ZNF365: variants seen among roughly 807,000 people sequenced by gnomAD.
ZNF365 encodes protein ZNF365.
In ZNF365, 22 loss-of-function variants were observed where a neutral mutation model predicts 35.0. The observed-to-expected ratio is 0.63, with a 90% CI of 0.45 to 0.90. The LOEUF is 0.90. Among genes scored for constraint, ZNF365 ranks in the 40% least tolerant of loss-of-function variants. ZNF365 has a pLI of 0.00. For synonymous variants in ZNF365, 188 were observed against 196.2 expected, an observed-to-expected ratio of 0.96 and a Z score of 0.35; for missense variants, 448 against 500.3, an observed-to-expected ratio of 0.90 and a Z score of 1.00.
At chr10:62,397,140 T>C (rs1030710017) in intron 3 of ZNF365, among the ~76,000 whole-genome samples, 5 of 152,362 alleles carry the variant, frequency 3.3e-5, no homozygotes, top group Middle Eastern at 3.4e-3. Context: ...TAACGGTGCC[T>C]TTTTCTGTTA....
At chr10:62,434,237 G>A (rs1303578073) in intron 3 of ZNF365, among the ~76,000 whole-genome samples, 1 of 152,084 alleles carries the variant, frequency 6.6e-6, no homozygotes, top group African/African-American at 2.4e-5. Flanking sequence ...ATATGCTTCG[G>A]GTCTAAGATT....
In ZNF365 at chr10:62,456,121, A is replaced by G. The variant is rs996239414; in HGVS notation, c.925-3620A>G. ...AGCCACATGTAGCTAGCTGTTGAGC[A>G]CTACAAATGCTGCTACTGTGAACAA... On this transcript the variant is annotated intron_variant, in intron 3 of 4. Transcript: ENST00000395255. 1.2e-4 allele frequency among the ~76,000 whole-genome samples: 19 copies of G among 152,290 alleles called. No individual in the cohort carries two copies. The South Asian group carries it at 3.9e-3, about 32-fold the overall frequency.
chr10:62,445,606 T>C (rs1226740350), intron 3 of ZNF365, among the ~76,000 whole-genome samples: 1 of 152,192 alleles, frequency 6.6e-6, no homozygotes, highest in Admixed American at 6.5e-5. Flanking sequence ...AGTGAGGTTT[T>C]ACAGTTTCTA....
chr10:62,469,041 G>A (rs1840989707), intron 4 of ZNF365, among the ~76,000 whole-genome samples: 1 of 152,186 alleles, frequency 6.6e-6, no homozygotes, highest in Non-Finnish European at 1.5e-5. Flanking sequence ...CTACCAAGAG[G>A]TGGAAGCGAC....
At chr10:62,384,939 A>G (rs1262552508) in intron 2 of ZNF365, among the ~76,000 whole-genome samples, 1 of 152,220 alleles carries the variant, frequency 6.6e-6, no homozygotes, top group Non-Finnish European at 1.5e-5. Context: ...TTGGGGAAAT[A>G]AGAGGTGGTT....
intron 4 of ZNF365, among the ~76,000 whole-genome samples, chr10:62,466,957 A>G (rs1840954180): frequency 6.6e-6 from 1 of 152,108 alleles, no homozygotes; most frequent in Non-Finnish European, 1.5e-5. Context: ...GCATGCCACC[A>G]CACCTGGCTA....
chr10:62,377,025 T>C (rs1169982749), intron 2 of ZNF365, 89 bp downstream of exon 2: 6 of 1,498,424 alleles, frequency 4.0e-6, no homozygotes, highest in Non-Finnish European at 5.3e-6. Context: ...AGGTTGATTT[T>C]TGCTATTTGC....
intron 3 of ZNF365, among the ~76,000 whole-genome samples, chr10:62,439,093 A>G (rs1216477613): frequency 2.0e-5 from 3 of 152,200 alleles, no homozygotes; most frequent in Admixed American, 6.5e-5. Context: ...GCTGTTGTTG[A>G]TACTACACTT....
At chr10:62,387,168 TAG>T (rs1839539333) in intron 2 of ZNF365, among the ~76,000 whole-genome samples, 1 of 152,160 alleles carries the variant, frequency 6.6e-6, no homozygotes, top group South Asian at 2.1e-4. Context: ...GACAATAGGG[TAG>T]AGAGAACTCT....
intron 3 of ZNF365, among the ~76,000 whole-genome samples, chr10:62,447,806 G>A (rs1017814359): frequency 1.7e-4 from 26 of 152,142 alleles, no homozygotes; most frequent in African/African-American, 4.8e-4. Context: ...CTTTCAGGTC[G>A]TGGTGGATGG....
chr10:62,479,800 CT>C (rs1014377048), intron 4 of ZNF365: 15 of 1,058,672 alleles, frequency 1.4e-5, no homozygotes, highest in Non-Finnish European at 1.9e-5. Flanking sequence ...GAAACCACTT[CT>C]TTTTTTGACT....
chr10:62,391,495 G>A (rs1328536493), intron 3 of ZNF365, among the ~76,000 whole-genome samples: 2 of 152,110 alleles, frequency 1.3e-5, no homozygotes, highest in African/African-American at 2.4e-5. Flanking sequence ...AACATACAAT[G>A]TTTGGTTTTC....
intron 4 of ZNF365, among the ~76,000 whole-genome samples, chr10:62,471,684 A>G (rs929837121): frequency 2.0e-5 from 3 of 152,252 alleles, no homozygotes; most frequent in African/African-American, 7.2e-5. Context: ...GCATGGATGT[A>G]CAAAAAAATC....
chr10:62,434,759 C>T (rs1047569813), intron 3 of ZNF365, among the ~76,000 whole-genome samples: 2 of 152,206 alleles, frequency 1.3e-5, no homozygotes, highest in African/African-American at 4.8e-5. Flanking sequence ...TCTGGGCAGC[C>T]TCCTTAAGCT....
Position 62,402,205 on chromosome 10 carries a change from A to C in ZNF365, c.*2416A>C. The C allele has an allele frequency of 1.0e-6, 1 of 985,960 alleles. No homozygotes were observed. The highest frequency in any genetic ancestry group is 1.7e-5 in the African/African-American group (1 of 57,352). 61.1% of individuals were successfully genotyped at this position (985,960 alleles called of 1,614,324 possible). ...GAAACTATGTTCAAGGTTGAAATGG[A>C]GAGTAGATTTAATTTTATTTGTCTT... On this transcript the variant is annotated 3_prime_UTR_variant, in exon 5 of 5. Transcript: ENST00000395254.
At chr10:62,378,841 C>G (rs1839379392) in intron 2 of ZNF365, among the ~76,000 whole-genome samples, 1 of 152,132 alleles carries the variant, frequency 6.6e-6, no homozygotes, top group African/African-American at 2.4e-5. Flanking sequence ...CTATACTACT[C>G]TTTTTGACTG....
chr10:62,457,095 A>C (rs1027964708), intron 3 of ZNF365, among the ~76,000 whole-genome samples: 1 of 152,110 alleles, frequency 6.6e-6, no homozygotes, highest in Non-Finnish European at 1.5e-5. Context: ...TATGTCTCTT[A>C]TCTTCTTTCC....
intron 3 of ZNF365, among the ~76,000 whole-genome samples, chr10:62,438,802 T>C (rs1319441792): frequency 6.6e-6 from 1 of 152,204 alleles, no homozygotes; most frequent in South Asian, 2.1e-4. Flanking sequence ...CAATAGCTGA[T>C]GAATGGTATC....
In ZNF365 at chr10:62,401,095, T is replaced by G. The variant is rs56117326; in HGVS notation, c.*1306T>G. On this transcript the variant is annotated 3_prime_UTR_variant, in exon 5 of 5. Transcript: ENST00000395254. Reference sequence around the variant, plus strand: ...CAGAGTTTACAAGTGCTGACATTCTTCTGAAAACAGGAATAATTTTGTCCA... The same window carrying G: ...CAGAGTTTACAAGTGCTGACATTCTGCTGAAAACAGGAATAATTTTGTCCA... The G allele has an allele frequency of 3.9e-3, 3,852 of 985,410 alleles. 9 individuals carry two copies. The highest frequency in any genetic ancestry group is 4.4e-3 in the Non-Finnish European group (3,631 of 829,848). The allele number at this position is 985,410 out of a possible 1,614,324, so 61.0% of individuals were successfully genotyped here.
Sources: gnomAD v4.1 joint callset for allele counts (sites outside exome capture counted in the v4.1 genomes callset) on GRCh38, gnomAD v4.1.1 for gene constraint, MANE v1.5 for transcripts, NCBI Gene and HGNC (gene_info 2026-07-23, HGNC 2026-07-21) for gene names.